CMTR1: variants seen among roughly 807,000 people sequenced by gnomAD.
CMTR1 encodes the protein cap-specific mRNA (nucleoside-2'-O-)-methyltransferase 1.
CMTR1 carries 39 observed loss-of-function variants against 107.0 expected under a neutral mutation model. The observed-to-expected ratio is 0.36, with a 90% confidence interval of 0.28 to 0.48. The LOEUF is 0.48. CMTR1 is among the 20% of genes least tolerant of loss of function. CMTR1 has a pLI of 0.99. For synonymous variants in CMTR1, 366 were observed against 379.5 expected, an observed-to-expected ratio of 0.96 and a Z score of 0.41; for missense variants, 672 against 1,064.9, an observed-to-expected ratio of 0.63 and a Z score of 5.14.
At position 37,480,231 on chromosome 6, in the gene CMTR1, C is replaced by G; in HGVS notation, c.*86C>G. 1 of 1,556,664 alleles carries G rather than the reference C, an allele frequency of 6.4e-7. No individual in the cohort carries two copies. Among genetic ancestry groups the G allele is most frequent in the Non-Finnish European group, 8.6e-7 (1 of 1,162,726 alleles). ...GGGCCCACAGTGCTGGCTTCTTCCC[C>G]CTCTTGAAAAGGGACTGGGGAGCAT... On this transcript the variant is annotated 3_prime_UTR_variant, in exon 24 of 24. Coordinates refer to ENST00000373451, the MANE Select transcript of CMTR1 (RefSeq NM_015050.3).
chr6:37,464,975 ATATGTATAT>A (rs1761476497), intron 13 of CMTR1, among the ~76,000 whole-genome samples: 1 of 151,020 alleles, frequency 6.6e-6, no homozygotes, highest in Non-Finnish European at 1.5e-5. Flanking sequence ...TATACATATA[ATATGTATAT>A]TATGGCCGGG....
chr6:37,462,805 G>A (rs752011911), intron 12 of CMTR1, 24 bp from the exon 13 acceptor site: 18 of 1,609,646 alleles, frequency 1.1e-5, no homozygotes, highest in Non-Finnish European at 1.4e-5. Context: ...TTGCTCGGTG[G>A]AGTGACAGAG....
At chr6:37,459,836 A>G in intron 10 of CMTR1, 152 bp downstream of exon 10, 1 of 683,424 alleles carries the variant, frequency 1.5e-6, no homozygotes, top group Non-Finnish European at 2.6e-6. Context: ...CTTTTTATAC[A>G]TTTTTTAAAT....
chr6:37,481,122 AG>A lies in CMTR1; in HGVS notation c.*979del. The A allele has an allele frequency of 2.3e-6, 3 of 1,302,532 alleles. No homozygotes were observed. Among genetic ancestry groups the A allele is most frequent in the Admixed American group, 2.3e-5 (1 of 43,452 alleles). 80.7% of individuals were successfully genotyped at this position (1,302,532 alleles called of 1,614,324 possible). On this transcript the variant is annotated 3_prime_UTR_variant, in exon 24 of 24. Coordinates refer to ENST00000373451, the MANE Select transcript of CMTR1 (RefSeq NM_015050.3). ...CCCTTCCTTTTTCTTCCCTAATAGG[AG>A]GTACAATCTGCTTTTGTTTGTCGTT...
intron 6 of CMTR1, 93 bp from the exon 7 acceptor site, chr6:37,452,954 T>C (rs1160042415): frequency 8.4e-6 from 9 of 1,070,804 alleles, no homozygotes; most frequent in Admixed American, 1.7e-5. Flanking sequence ...ACAGGAATCT[T>C]GTTCCTTGGA....
chr6:37,447,864 T>C (rs1392540585), intron 4 of CMTR1, among the ~76,000 whole-genome samples: 1 of 141,100 alleles, frequency 7.1e-6, no homozygotes, highest in Non-Finnish European at 1.5e-5. Context: ...TGAGACTTTG[T>C]CTCAAAAAAA....
chr6:37,435,768 T>C lies in CMTR1; in HGVS notation c.133+6T>C. Reference sequence around the variant, plus strand: ...TGTCAGTCATGGAGCAAAAGGTACGTGTGCTTGTGTGGTCTGAGGCCACTG... The same window carrying C: ...TGTCAGTCATGGAGCAAAAGGTACGCGTGCTTGTGTGGTCTGAGGCCACTG... On this transcript the variant is annotated splice_donor_region_variant and intron_variant, in intron 2 of 23. Coordinates refer to ENST00000373451, the MANE Select transcript of CMTR1 (RefSeq NM_015050.3). The C allele has an allele frequency of 6.3e-7, 1 of 1,583,906 alleles. No homozygotes were observed. The highest frequency in any genetic ancestry group is 2.3e-5 in the East Asian group (1 of 43,334).
At position 37,472,597 on chromosome 6, in the gene CMTR1, C is replaced by A; in HGVS notation, c.1689+110C>A. On this transcript the variant is annotated intron_variant, in intron 16 of 23. Coordinates refer to ENST00000373451, the MANE Select transcript of CMTR1 (RefSeq NM_015050.3). The surrounding 1 kb of genome is among the most constrained non-coding windows in gnomAD (Gnocchi z 4.1). The stretch of plus-strand genomic sequence containing the variant: ...GTCTCCAGAGGGCTTGTGCAGATGC[C>A]CACCATGGGCTCTAAGGGGCGGAGC... 9.2e-7 allele frequency: 1 copy of A among 1,088,998 alleles called. No individual in the cohort carries two copies. The highest frequency in any genetic ancestry group is 1.4e-6 in the Non-Finnish European group (1 of 711,566). The allele number at this position is 1,088,998 out of a possible 1,614,324, so 67.5% of individuals were successfully genotyped here.
At chr6:37,448,020 C>T (rs1027633275) in intron 4 of CMTR1, among the ~76,000 whole-genome samples, 8 of 151,982 alleles carry the variant, frequency 5.3e-5, no homozygotes, top group African/African-American at 1.7e-4. Flanking sequence ...ACCATCTTGG[C>T]TAACACGGTG....
At chr6:37,451,771 C>T (rs367958966) in intron 5 of CMTR1, 35 bp from the exon 6 acceptor site, 203 of 1,510,216 alleles carry the variant, frequency 1.3e-4, no homozygotes, top group Non-Finnish European at 1.8e-4. Flanking sequence ...TGCAGTCACA[C>T]GTGGTCATTA....
chr6:37,436,118 G>A (rs1771524244), intron 2 of CMTR1, among the ~76,000 whole-genome samples: 1 of 152,188 alleles, frequency 6.6e-6, no homozygotes, highest in South Asian at 2.1e-4. Flanking sequence ...TTGTAAGGGA[G>A]GGCCTCTTTG....
chr6:37,472,532 C>T lies in CMTR1; in HGVS notation c.1689+45C>T. The T allele has an allele frequency of 1.3e-6, 2 of 1,574,470 alleles. No individual in the cohort carries two copies. The highest frequency in any genetic ancestry group is 1.7e-6 in the Non-Finnish European group (2 of 1,144,252). ...TGGACATAAAAAGTTAGAGATCTGT[C>T]TCTAGATGTGGATGGTATCACTGAG... is the stretch of plus-strand genomic sequence containing the variant. On this transcript the variant is annotated intron_variant, in intron 16 of 23. Transcript: ENST00000373451. This position sits in a 1 kb window ranked among gnomAD's most constrained non-coding sequence, Gnocchi z 4.1.
At chr6:37,462,591 A>G (rs947985537) in intron 12 of CMTR1, among the ~76,000 whole-genome samples, 6 of 152,264 alleles carry the variant, frequency 3.9e-5, no homozygotes, top group South Asian at 4.1e-4. Context: ...ATTGTGACAC[A>G]GCCCGTCTGT....
At position 37,473,527 on chromosome 6, in the gene CMTR1, G is replaced by A. The variant is rs766609665; in HGVS notation, c.1747G>A (p.Glu583Lys). Residue 583 changes from glutamate to lysine, a missense_variant, in exon 17 of 24, where the codon GAG becomes AAG. Glu to Lys is a moderately conservative substitution (Grantham distance 56). This residue lies in a region of CMTR1 where 583 missense variants were observed against 968.4 expected (regional missense o/e 0.60). Transcript: ENST00000373451. The part of the protein sequence containing the change: ...KPTLLTSKTL[E>K]KIRPVFDYRC... ...CACACTGCTCACCTCTAAAACCCTG[G>A]AGAAGATCCGCCCTGTGTTTGACTA... is the stretch of plus-strand genomic sequence containing the variant. The A allele has an allele frequency of 6.2e-7, 1 of 1,614,158 alleles. No individual in the cohort carries two copies. The highest frequency in any genetic ancestry group is 1.7e-5 in the Admixed American group (1 of 60,024).
Position 37,480,814 on chromosome 6 carries a change from T to C in CMTR1, c.*669T>C, listed in dbSNP as rs41272224. On this transcript the variant is annotated 3_prime_UTR_variant, in exon 24 of 24. Transcript: ENST00000373451. ...GCAAACTCTCATCCCTGATACCACA[T>C]TGAGATCCTGGGAGCCCTCTTTTCG... 1.8e-5 allele frequency: 20 copies of C among 1,129,104 alleles called. No homozygotes were observed. In the African/African-American group the frequency reaches 2.5e-4, roughly 14 times the overall value. 69.9% of individuals were successfully genotyped at this position (1,129,104 alleles called of 1,614,324 possible).
chr6:37,462,022 G>T lies in CMTR1; in HGVS notation c.1245G>T (p.Gly415=), dbSNP rs781482887. ...TFDLFTPFSV[G]LVYLLYCCFE... ...ACCTGTTCACACCGTTTAGTGTGGGGCTTGTCTACCTGCTGTACTGCTGCT... is the reference window on the plus strand; with the variant it reads ...ACCTGTTCACACCGTTTAGTGTGGGTCTTGTCTACCTGCTGTACTGCTGCT... The change falls in exon 12 of 24, where the codon GGG becomes GGT. Residue 415 remains glycine, a synonymous_variant. Transcript: ENST00000373451. 15 of 1,613,690 alleles carry T rather than the reference G, an allele frequency of 9.3e-6. No individual in the cohort carries two copies. Among genetic ancestry groups the T allele is most frequent in the Non-Finnish European group, 3.4e-6 (4 of 1,180,004 alleles).
At chr6:37,479,352 G>A (rs1242322623) in intron 23 of CMTR1, 97 bp downstream of exon 23, 2 of 876,952 alleles carry the variant, frequency 2.3e-6, no homozygotes, top group East Asian at 4.9e-5. Context: ...TGGGTCCTGA[G>A]ACTGTTGCCC....
At position 37,474,608 on chromosome 6, in the gene CMTR1, C is replaced by G. The variant is rs1463827997; in HGVS notation, c.1906C>G (p.Leu636Val). 2 of 1,614,114 alleles carry G rather than the reference C, an allele frequency of 1.2e-6. No homozygotes were observed. Among genetic ancestry groups the G allele is most frequent in the Non-Finnish European group, 8.5e-7 (1 of 1,179,988 alleles). Residue 636 changes from leucine to valine, a missense_variant, in exon 18 of 24, where the codon CTG (leucine) becomes GTG (valine). Leu to Val is a conservative substitution (Grantham distance 32). This residue lies in a region of CMTR1 where 583 missense variants were observed against 968.4 expected (regional missense o/e 0.60). Transcript: ENST00000373451. ...GAAGACAGAGCTGCCCCGGGACACT[C>G]TGCTATCTGTGGAAATTGTGCATGA... ...DLKTELPRDT[L>V]LSVEIVHELK...
chr6:37,442,531 C>G (rs1386003522), intron 2 of CMTR1, among the ~76,000 whole-genome samples: 1 of 152,136 alleles, frequency 6.6e-6, no homozygotes, highest in Non-Finnish European at 1.5e-5. Context: ...TGACATAGTT[C>G]CTGCTCTCCA....
Sources: allele counts gnomAD v4.1 joint callset (sites outside exome capture counted in the v4.1 genomes callset), GRCh38; gene constraint gnomAD v4.1.1; regional missense constraint gnomAD v4.1.1; non-coding constraint Gnocchi (gnomAD v3.1); transcripts MANE v1.5; gene names NCBI Gene and HGNC (gene_info 2026-07-23, HGNC 2026-07-21).